COL1A2: variants seen among roughly 807,000 people sequenced by gnomAD.
COL1A2 encodes collagen type I alpha 2 chain, also known as collagen alpha-2(I) chain.
Under a neutral mutation model 174.3 loss-of-function variants are expected in COL1A2, and 49 were observed. The ratio of observed to expected loss-of-function variants is 0.28; its 90% CI spans 0.22 to 0.36. COL1A2 has a LOEUF of 0.36. Ranked by LOEUF, COL1A2 falls within the 10% of genes least tolerant of loss-of-function variation. COL1A2 has a pLI of 1.00. For synonymous variants in COL1A2, 655 were observed against 606.6 expected, an observed-to-expected ratio of 1.08 and a Z score of -1.17; for missense variants, 1,438 against 1,822.7, an observed-to-expected ratio of 0.79 and a Z score of 3.84.
At chr7:94,420,127 A>C in intron 34 of COL1A2, 106 bp from the exon 35 acceptor site, 1 of 1,436,968 alleles carries the variant, frequency 7.0e-7, no homozygotes. Flanking sequence ...TATCTCTTCC[A>C]AGGCAACTAC....
intron 51 of COL1A2, 26 bp from the exon 52 acceptor site, chr7:94,430,221 G>T: frequency 1.2e-6 from 2 of 1,604,620 alleles, no homozygotes; most frequent in East Asian, 2.2e-5. Context: ...GATGCTTTGT[G>T]TATCTATTTT....
At position 94,415,649 on chromosome 7, in the gene COL1A2, T is replaced by C. The variant is rs570936676; in HGVS notation, c.1764+379T>C. ...TGTTCAAAGCCTAAAGCCGAACTTA[T>C]GAGTAGTCATATAAAGAAAAAAAAA... On this transcript the variant is annotated intron_variant, in intron 30 of 51. Coordinates refer to ENST00000297268, the MANE Select transcript of COL1A2 (RefSeq NM_000089.4). 3.9e-5 allele frequency among the ~76,000 whole-genome samples: 6 copies of C among 152,242 alleles called. No individual in the cohort carries two copies. In the East Asian group the frequency reaches 1.2e-3, roughly 29 times the overall value.
At chr7:94,422,564 G>T (rs189316233) in intron 39 of COL1A2, 23 of 189,420 alleles carry the variant, frequency 1.2e-4, no homozygotes, top group Non-Finnish European at 2.0e-4. Flanking sequence ...ACGTATATTG[G>T]CTTTCTTTAA....
In COL1A2 at chr7:94,404,861, C is replaced by T. The variant is rs546898939; in HGVS notation, c.401C>T (p.Pro134Leu). 6.2e-7 allele frequency: 1 copy of T among 1,613,948 alleles called. No homozygotes were observed. Among genetic ancestry groups the T allele is most frequent in the African/African-American group, 1.3e-5 (1 of 74,976 alleles). ...TAGGGTCCTGCAGGTGCTCGTGGTC[C>T]AGCTGGCCCTCCTGGCAAGGCTGGT... Reference protein sequence around the residue: ...GQTGPAGARGPAGPPGKAGED... With the variant: ...GQTGPAGARGLAGPPGKAGED... Residue 134 changes from proline to leucine, a missense_variant, in exon 9 of 52, where the codon CCA becomes CTA. Around this residue, in one of 3 missense-constraint regions of COL1A2, gnomAD observed 281 missense variants for 310.9 expected, o/e 0.90. Transcript: ENST00000297268.
At chr7:94,406,436 A>G (rs752978995) in intron 12 of COL1A2, 133 bp downstream of exon 12, 8 of 775,410 alleles carry the variant, frequency 1.0e-5, no homozygotes, top group African/African-American at 1.7e-5. Flanking sequence ...CCTGTACTTC[A>G]AATCCCTCAA....
chr7:94,404,737 T>C lies in COL1A2; in HGVS notation c.369T>C (p.Pro123=). ...GACCTGCTGGTGAGCCTGGTGAACC[T>C]GGTCAAACTGTGAGTACATTTTTCC... ...FQGPAGEPGE[P]GQTGPAGARG... is the part of the protein sequence containing the mutation. The change falls in exon 8 of 52, where the codon CCT becomes CCC. Residue 123 remains proline, a synonymous_variant. Coordinates refer to ENST00000297268, the MANE Select transcript of COL1A2 (RefSeq NM_000089.4). 1 of 1,614,196 alleles carries C rather than the reference T, an allele frequency of 6.2e-7. No individual in the cohort carries two copies.
intron 31 of COL1A2, among the ~76,000 whole-genome samples, chr7:94,417,194 C>T (rs959905558): frequency 6.6e-6 from 1 of 152,000 alleles, no homozygotes; most frequent in Non-Finnish European, 1.5e-5. Flanking sequence ...AAAGAAACCA[C>T]GGTTTTGTGA....
At chr7:94,401,208 T>C (rs1791680988) in intron 5 of COL1A2, among the ~76,000 whole-genome samples, 1 of 152,164 alleles carries the variant, frequency 6.6e-6, no homozygotes, top group South Asian at 2.1e-4. Context: ...TTGAGCTCTG[T>C]CTAATTTGTC....
At chr7:94,414,114 A>G in intron 28 of COL1A2, 108 bp from the exon 29 acceptor site, 1 of 1,332,280 alleles carries the variant, frequency 7.5e-7, no homozygotes, top group Non-Finnish European at 1.1e-6. Flanking sequence ...AATAACATAC[A>G]ATCGTGCTCA....
At chr7:94,416,103 G>T (rs907151581) in intron 30 of COL1A2, among the ~76,000 whole-genome samples, 1 of 151,968 alleles carries the variant, frequency 6.6e-6, no homozygotes, top group African/African-American at 2.4e-5. Context: ...TTTACCTATG[G>T]ATTTATCACA....
intron 23 of COL1A2, among the ~76,000 whole-genome samples, chr7:94,411,504 G>T (rs42521): frequency 2.6e-5 from 4 of 151,832 alleles, no homozygotes; most frequent in South Asian, 2.1e-4. Flanking sequence ...ATACATTTTT[G>T]GTTTATTAGA....
In COL1A2 at chr7:94,429,442, T is replaced by C. The variant is rs1262706260; in HGVS notation, c.3954+12T>C. On this transcript the variant is annotated intron_variant, in intron 51 of 51. Transcript: ENST00000297268. ...TAGATGGCTGCTCTGTAAGTAATAG[T>C]GAAATATGGGAATAGCTTTGGGAAG... 2 of 1,613,458 alleles carry C rather than the reference T, an allele frequency of 1.2e-6. No individual in the cohort carries two copies. Among genetic ancestry groups the C allele is most frequent in the African/African-American group, 2.7e-5 (2 of 74,824 alleles).
chr7:94,422,188 TC>T, intron 39 of COL1A2: 1 of 354,686 alleles, frequency 2.8e-6, no homozygotes, highest in South Asian at 8.4e-5. Flanking sequence ...AGGGGCATGG[TC>T]TTTTTGAAAA....
At chr7:94,430,049 T>G (rs1005788112) in intron 51 of COL1A2, 198 bp from the exon 52 acceptor site, 8 of 601,640 alleles carry the variant, frequency 1.3e-5, no homozygotes, top group Non-Finnish European at 2.3e-5. Flanking sequence ...TTGTTTGTTT[T>G]TTGTTAGACT....
intron 31 of COL1A2, 134 bp from the exon 32 acceptor site, chr7:94,417,590 C>T: frequency 1.3e-6 from 1 of 742,168 alleles, no homozygotes; most frequent in Non-Finnish European, 2.4e-6. Context: ...CTTTCAATAG[C>T]CCAGCCTTCT....
intron 42 of COL1A2, 139 bp from the exon 43 acceptor site, chr7:94,425,471 T>A (rs1210677302): frequency 1.0e-5 from 10 of 983,530 alleles, no homozygotes; most frequent in Non-Finnish European, 1.1e-5. Flanking sequence ...GTTGGCAGGT[T>A]TTTATCCCTA....
chr7:94,429,088 T>C (rs1792344721), intron 50 of COL1A2, 100 bp from the exon 51 acceptor site: 1 of 984,146 alleles, frequency 1.0e-6, no homozygotes, highest in African/African-American at 1.8e-5. Context: ...GAGTCTACTC[T>C]TCCTGAGATC....
intron 32 of COL1A2, 86 bp downstream of exon 32, chr7:94,417,917 C>A: frequency 1.8e-6 from 2 of 1,108,666 alleles, no homozygotes; most frequent in Non-Finnish European, 2.7e-6. Flanking sequence ...CAATTCTTGG[C>A]AGGTGGTCTG....
Position 94,416,685 on chromosome 7 carries a change from A to T in COL1A2, c.1863+182A>T, listed in dbSNP as rs956033475. On this transcript the variant is annotated intron_variant, in intron 31 of 51. Transcript: ENST00000297268. The stretch of plus-strand genomic sequence containing the variant: ...CCTGAATTATTCTAAACAAACAAAC[A>T]ATAGCAACAAACTGTGGGGGAAAAT... The T allele has an allele frequency of 2.5e-5, 15 of 596,868 alleles. No homozygotes were observed. In the African/African-American group the frequency reaches 2.8e-4, roughly 11 times the overall value. The allele number at this position is 596,868 out of a possible 1,614,324, so 37.0% of individuals were successfully genotyped here.
Sources: allele counts gnomAD v4.1 joint callset (sites outside exome capture counted in the v4.1 genomes callset), GRCh38; gene constraint gnomAD v4.1.1; regional missense constraint gnomAD v4.1.1; transcripts MANE v1.5; gene names NCBI Gene and HGNC (gene_info 2026-07-23, HGNC 2026-07-21).